The following QTMAN variants were observed in gnomAD, a reference collection of about 807,000 sequenced individuals.
The protein encoded by QTMAN is tRNA-queuosine alpha-mannosyltransferase.
the QTMAN span, among the ~76,000 whole-genome samples, chr2:144,054,229 C>T: frequency 2.6e-5 from 4 of 151,994 alleles, no homozygotes; most frequent in South Asian, 2.1e-4. Context: ...CCTTCCCACA[C>T]AGGTTCAGGT....
the QTMAN span, among the ~76,000 whole-genome samples, chr2:144,216,988 T>A: frequency 6.6e-6 from 1 of 152,188 alleles, no homozygotes; most frequent in African/African-American, 2.4e-5. Flanking sequence ...TTTAAATACT[T>A]TCTGCCAACA....
the QTMAN span, among the ~76,000 whole-genome samples, chr2:143,995,693 T>C: frequency 6.6e-6 from 1 of 152,278 alleles, no homozygotes; most frequent in East Asian, 1.9e-4. Flanking sequence ...CCTATAGAAT[T>C]AGTAGAAATA....
At chr2:144,310,304 A>T in the QTMAN span, among the ~76,000 whole-genome samples, 1 of 152,222 alleles carries the variant, frequency 6.6e-6, no homozygotes, top group African/African-American at 2.4e-5. Flanking sequence ...AAATGGAGTC[A>T]AAAACTGAGG....
the QTMAN span, among the ~76,000 whole-genome samples, chr2:143,983,244 T>A: frequency 6.6e-6 from 1 of 152,074 alleles, no homozygotes; most frequent in Non-Finnish European, 1.5e-5. Context: ...TTAAGTGAAA[T>A]GATGTATGTG....
the QTMAN span, among the ~76,000 whole-genome samples, chr2:144,154,884 C>G: frequency 6.6e-6 from 1 of 152,164 alleles, no homozygotes; most frequent in Admixed American, 6.5e-5. Flanking sequence ...CCATCCTAGC[C>G]ACGTGCTTAA....
At chr2:144,306,348 T>C in the QTMAN span, among the ~76,000 whole-genome samples, 4 of 152,202 alleles carry the variant, frequency 2.6e-5, no homozygotes, top group Non-Finnish European at 5.9e-5. Flanking sequence ...AAATACGATA[T>C]AGACTGGGTG....
the QTMAN span, among the ~76,000 whole-genome samples, chr2:144,031,629 G>A: frequency 3.3e-5 from 5 of 152,118 alleles, no homozygotes; most frequent in East Asian, 9.6e-4. Flanking sequence ...AAAATTAAAG[G>A]GAAGCCAGCA....
the QTMAN span, among the ~76,000 whole-genome samples, chr2:144,067,748 G>C: frequency 6.6e-6 from 1 of 152,128 alleles, no homozygotes; most frequent in Non-Finnish European, 1.5e-5. Context: ...CTGGAAGAAG[G>C]GGGTGCTAGG....
At chr2:144,024,312 G>C in the QTMAN span, among the ~76,000 whole-genome samples, 1 of 152,310 alleles carries the variant, frequency 6.6e-6, no homozygotes, top group Admixed American at 6.5e-5. Flanking sequence ...TTGTCTAGCA[G>C]GTTTATGGCC....
the QTMAN span, among the ~76,000 whole-genome samples, chr2:144,116,721 G>A: frequency 3.9e-5 from 6 of 152,148 alleles, no homozygotes; most frequent in African/African-American, 1.4e-4. Context: ...TGTAGATTGT[G>A]CATTTCTTCA....
chr2:144,226,381 C>T, the QTMAN span, among the ~76,000 whole-genome samples: 1 of 152,266 alleles, frequency 6.6e-6, no homozygotes, highest in Admixed American at 6.5e-5. Flanking sequence ...ATTTTACATG[C>T]ACTTTTTTAA....
chr2:144,136,400 G>GA, the QTMAN span, among the ~76,000 whole-genome samples: 24 of 122,626 alleles, frequency 2.0e-4, no homozygotes, highest in East Asian at 1.1e-3. Context: ...AAAGGAAAAG[G>GA]AAAGGAAAGG....
the QTMAN span, among the ~76,000 whole-genome samples, chr2:144,140,592 A>G: frequency 6.6e-5 from 10 of 152,134 alleles, no homozygotes; most frequent in African/African-American, 1.7e-4. Flanking sequence ...ACGTAATTAC[A>G]TATATATTCT....
chr2:144,323,153 T>TA, the QTMAN span, among the ~76,000 whole-genome samples: 7 of 152,138 alleles, frequency 4.6e-5, no homozygotes, highest in African/African-American at 1.7e-4. Context: ...TTCTTTCAAG[T>TA]AAAAATGATG....
the QTMAN span, among the ~76,000 whole-genome samples, chr2:144,297,408 A>G: frequency 1.3e-5 from 2 of 152,074 alleles, no homozygotes; most frequent in African/African-American, 4.8e-5. Context: ...CCTGGCCTAT[A>G]GTAAAAATTC....
At chr2:144,098,056 A>G in the QTMAN span, among the ~76,000 whole-genome samples, 4 of 152,198 alleles carry the variant, frequency 2.6e-5, no homozygotes, top group East Asian at 1.9e-4. Flanking sequence ...AGGCTCTAGT[A>G]GCACTAATGT....
the QTMAN span, among the ~76,000 whole-genome samples, chr2:143,976,946 G>A: frequency 6.6e-6 from 1 of 152,176 alleles, no homozygotes; most frequent in Non-Finnish European, 1.5e-5. Flanking sequence ...CAGTAGGCCA[G>A]TAAGACCAGC....
At chr2:144,211,739 C>G in the QTMAN span, 1 of 151,118 alleles carries the variant, frequency 6.6e-6, no homozygotes, top group African/African-American at 2.4e-5. Context: ...AACAAATAAG[C>G]ATGAGGTTGA....
At chr2:144,240,242 T>C in the QTMAN span, among the ~76,000 whole-genome samples, 1 of 152,210 alleles carries the variant, frequency 6.6e-6, no homozygotes, top group Admixed American at 6.5e-5. Flanking sequence ...TGATAGGCAA[T>C]GATAACCTTA....
Sources: allele counts gnomAD v4.1 joint callset (sites outside exome capture counted in the v4.1 genomes callset), GRCh38; gene constraint gnomAD v4.1.1; transcripts MANE v1.5; gene names NCBI Gene and HGNC (gene_info 2026-07-23, HGNC 2026-07-21).